Variants in CDC42SE2 observed in about 807,000 individuals in gnomAD.
CDC42SE2 encodes CDC42 small effector protein 2.
In CDC42SE2, 3 loss-of-function variants were observed where a neutral mutation model predicts 11.5. The ratio of observed to expected loss-of-function variants is 0.26; its 90% CI spans 0.12 to 0.67. The LOEUF (loss-of-function observed/expected upper bound fraction) is 0.67, where lower values mean the gene tolerates loss of function less well. Ranked by LOEUF, CDC42SE2 falls within the 30% of genes least tolerant of loss-of-function variation. CDC42SE2 has a pLI of 0.80. For synonymous variants in CDC42SE2, 33 were observed against 34.8 expected (o/e 0.95, Z 0.18); for missense variants, 82 against 106.8 (o/e 0.77, Z 1.02).
intron 1 of CDC42SE2, among the ~76,000 whole-genome samples, chr5:131,253,502 T>A (rs1178939871): frequency 6.6e-6 from 1 of 152,200 alleles, no homozygotes; most frequent in Non-Finnish European, 1.5e-5. Context: ...CAGTGACTCA[T>A]GCCTGTAATC....
chr5:131,278,703 TCCTTTCCTCTCCCCTCCCCTCCCCCCTCC>T (rs1757157320), intron 1 of CDC42SE2, among the ~76,000 whole-genome samples: 2 of 85,218 alleles, frequency 2.3e-5, no homozygotes, highest in African/African-American at 9.1e-5. Flanking sequence ...GCAGTTCCTT[TCCTTTCCTCTCCCCTCCCCTCCCCCCTCC>T]CCTCCCCTCC....
chr5:131,211,070 C>G, the CDC42SE2 span, among the ~76,000 whole-genome samples: 4 of 152,198 alleles, frequency 2.6e-5, no homozygotes, highest in African/African-American at 4.8e-5. Context: ...TTCCTGATCT[C>G]AAGTGATCCG....
chr5:131,217,530 A>C, the CDC42SE2 span, among the ~76,000 whole-genome samples: 51 of 152,372 alleles, frequency 3.3e-4, 1 homozygote, highest in South Asian at 9.9e-3. Flanking sequence ...TAGGACATCA[A>C]CATGGGAAAA....
chr5:131,334,774 T>G (rs1360816827), intron 2 of CDC42SE2, among the ~76,000 whole-genome samples: 1 of 152,260 alleles, frequency 6.6e-6, no homozygotes, highest in Non-Finnish European at 1.5e-5. Context: ...TAGTATTCTC[T>G]GATGGTAGTT....
At chr5:131,235,600 T>C in the CDC42SE2 span, among the ~76,000 whole-genome samples, 1 of 148,672 alleles carries the variant, frequency 6.7e-6, no homozygotes, top group East Asian at 2.0e-4. Context: ...TTTTTGTTTG[T>C]TTTTGTTTTT....
Position 131,359,334 on chromosome 5 carries a change from CTG to C in CDC42SE2, c.-156_-155del, listed in dbSNP as rs1749643016. On this transcript the variant is annotated 5_prime_UTR_variant, in exon 3 of 5. Coordinates refer to ENST00000505065, the MANE Select transcript of CDC42SE2 (RefSeq NM_001375635.1). Reference sequence around the variant, plus strand: ...TCCAAATTTTTCTTTATTAAATCGACTGTGTAAGATACTTGACTTCCAGGAAC... The same window carrying C: ...TCCAAATTTTTCTTTATTAAATCGACTGTAAGATACTTGACTTCCAGGAAC... 1.5e-6 allele frequency: 1 copy of C among 662,120 alleles called. No individual in the cohort carries two copies. 41.0% of individuals were successfully genotyped at this position (662,120 alleles called of 1,614,324 possible).
chr5:131,390,834 T>TAA (rs1340745421), intron 4 of CDC42SE2, among the ~76,000 whole-genome samples, 159 bp from the exon 5 acceptor site: 1 of 152,188 alleles, frequency 6.6e-6, no homozygotes, highest in Non-Finnish European at 1.5e-5. Flanking sequence ...TTTGTCCTTA[T>TAA]AACTAGAAAA....
At chr5:131,383,210 G>A (rs1033811658) in intron 3 of CDC42SE2, among the ~76,000 whole-genome samples, 7 of 152,188 alleles carry the variant, frequency 4.6e-5, no homozygotes, top group Non-Finnish European at 1.0e-4. Flanking sequence ...GGGAGTCTTT[G>A]TATGAGGCAC....
intron 1 of CDC42SE2, among the ~76,000 whole-genome samples, chr5:131,303,861 C>T (rs1488941221): frequency 6.6e-6 from 1 of 152,082 alleles, no homozygotes; most frequent in Non-Finnish European, 1.5e-5. Flanking sequence ...AAAATGCATT[C>T]TTGTCTTCAT....
upstream of CDC42SE2, among the ~76,000 whole-genome samples, chr5:131,259,766 C>T (rs900309357): frequency 1.3e-5 from 2 of 152,254 alleles, no homozygotes; most frequent in African/African-American, 2.4e-5. Flanking sequence ...GGTCATACTA[C>T]TTTGAATGTA....
At chr5:131,324,844 A>C (rs1232399129) in intron 2 of CDC42SE2, among the ~76,000 whole-genome samples, 1 of 152,206 alleles carries the variant, frequency 6.6e-6, no homozygotes, top group Non-Finnish European at 1.5e-5. Context: ...ACTCTTGGTG[A>C]AGTCCAGACG....
At chr5:131,232,146 T>C in the CDC42SE2 span, among the ~76,000 whole-genome samples, 2 of 150,126 alleles carry the variant, frequency 1.3e-5, no homozygotes, top group African/African-American at 4.9e-5. Context: ...AGGGTCTTAC[T>C]CCAGTAGCCC....
intron 1 of CDC42SE2, among the ~76,000 whole-genome samples, chr5:131,253,372 G>A (rs1395786368): frequency 6.6e-6 from 1 of 152,124 alleles, no homozygotes; most frequent in East Asian, 1.9e-4. Context: ...TTTCTATCAC[G>A]AAATCCCTAC....
At chr5:131,244,526 C>T (rs192738792), upstream of CDC42SE2, among the ~76,000 whole-genome samples, 658 of 152,292 alleles carry the variant, frequency 4.3e-3, 3 homozygotes, top group Non-Finnish European at 6.9e-3. Flanking sequence ...GCCTAGCCAA[C>T]AGGGTGAAAC....
chr5:131,362,328 A>G (rs1214225501), intron 3 of CDC42SE2, among the ~76,000 whole-genome samples: 2 of 152,240 alleles, frequency 1.3e-5, no homozygotes, highest in African/African-American at 2.4e-5. Context: ...GAAAAATTAC[A>G]TAAAACTTAA....
Position 131,391,419 on chromosome 5 carries a change from C to A in CDC42SE2, c.*328C>A, listed in dbSNP as rs1253986607. 1 of 154,478 alleles carries A rather than the reference C, an allele frequency of 6.5e-6. No individual in the cohort carries two copies. Among genetic ancestry groups the A allele is most frequent in the African/African-American group, 2.4e-5 (1 of 41,522 alleles). The allele number at this position is 154,478 out of a possible 1,614,324, so 9.6% of individuals were successfully genotyped here. A position where few individuals can be genotyped will look rare whatever the true frequency, so the allele number is the denominator to read the frequency against. The stretch of plus-strand genomic sequence containing the variant: ...GAGCATGGTGGCTCACACCTGTAAT[C>A]CCAGCACTTTGGGAGGCCTAGGTGG... On this transcript the variant is annotated 3_prime_UTR_variant, in exon 5 of 5. Transcript: ENST00000505065.
chr5:131,371,627 G>A (rs760155873), intron 3 of CDC42SE2, among the ~76,000 whole-genome samples: 18 of 152,194 alleles, frequency 1.2e-4, no homozygotes, highest in Non-Finnish European at 1.5e-4. Flanking sequence ...GTGGGCATGC[G>A]TGCATGCGGA....
chr5:131,362,161 A>G (rs1477882321), intron 3 of CDC42SE2, among the ~76,000 whole-genome samples: 2 of 151,904 alleles, frequency 1.3e-5, no homozygotes, highest in African/African-American at 2.4e-5. Flanking sequence ...CTCCCATATC[A>G]TTTAAAGGGA....
chr5:131,349,466 G>A (rs1021807743), intron 2 of CDC42SE2, among the ~76,000 whole-genome samples: 10 of 152,188 alleles, frequency 6.6e-5, no homozygotes, highest in African/African-American at 2.4e-4. Context: ...TTGTGCTCAT[G>A]TACACTAGTA....
Sources: gnomAD v4.1 joint callset for allele counts (sites outside exome capture counted in the v4.1 genomes callset) on GRCh38, gnomAD v4.1.1 for gene constraint, MANE v1.5 for transcripts, NCBI Gene and HGNC (gene_info 2026-07-23, HGNC 2026-07-21) for gene names.